PIP5K1A: variants seen among roughly 807,000 people sequenced by gnomAD.
PIP5K1A encodes phosphatidylinositol-4-phosphate 5-kinase type 1 alpha.
Under a neutral mutation model 72.9 loss-of-function variants are expected in PIP5K1A, and 46 were observed. The observed-to-expected ratio is 0.63, with a 90% confidence interval of 0.50 to 0.81. The LOEUF (loss-of-function observed/expected upper bound fraction) is 0.81, where lower values mean the gene tolerates loss of function less well. PIP5K1A is among the 30% of genes least tolerant of loss of function. The pLI is 0.00. For missense variants in PIP5K1A, 458 were observed against 706.1 expected (o/e 0.65, Z 3.98); for synonymous variants, 228 against 255.1 (o/e 0.89, Z 1.01).
chr1:151,217,363 A>G (rs1007209830), intron 1 of PIP5K1A, among the ~76,000 whole-genome samples: 2 of 152,028 alleles, frequency 1.3e-5, no homozygotes, highest in Admixed American at 6.6e-5. Context: ...CCCCTCACTA[A>G]TTTGAAATTC....
chr1:151,207,498 G>T (rs1686098035), intron 1 of PIP5K1A, among the ~76,000 whole-genome samples: 1 of 151,590 alleles, frequency 6.6e-6, no homozygotes, highest in Non-Finnish European at 1.5e-5. Flanking sequence ...CTGAGGTAAA[G>T]ATGTTGCATA....
chr1:151,207,815 G>A (rs1159429659), intron 1 of PIP5K1A, among the ~76,000 whole-genome samples: 1 of 151,020 alleles, frequency 6.6e-6, no homozygotes, highest in Non-Finnish European at 1.5e-5. Flanking sequence ...TTACGGGCAT[G>A]AGGCACCACA....
At chr1:151,243,342 A>C (rs1443464775) in intron 14 of PIP5K1A, among the ~76,000 whole-genome samples, 1 of 152,208 alleles carries the variant, frequency 6.6e-6, no homozygotes, top group Non-Finnish European at 1.5e-5. Flanking sequence ...ATAGTTCCTT[A>C]AGCACAGCTC....
rs1469957380 is a variant in PIP5K1A at position 151,198,652 on chromosome 1, T to C, written c.-345T>C. ...AGGGGCGTTCGCTCCTTTGGGACTTTTCATGCCTCGTTTTTTTTTCAGATG... is the reference window on the plus strand; with the variant it reads ...AGGGGCGTTCGCTCCTTTGGGACTTCTCATGCCTCGTTTTTTTTTCAGATG... On this transcript the variant is annotated 5_prime_UTR_variant, in exon 1 of 16. Coordinates refer to ENST00000368888, the MANE Select transcript of PIP5K1A (RefSeq NM_001135638.2). 6.5e-6 allele frequency: 2 copies of C among 305,782 alleles called. No individual in the cohort carries two copies. Among genetic ancestry groups the C allele is most frequent in the Non-Finnish European group, 1.2e-5 (2 of 161,166 alleles). 18.9% of individuals were successfully genotyped at this position (305,782 alleles called of 1,614,324 possible). A position where few individuals can be genotyped will look rare whatever the true frequency, so the allele number is the denominator to read the frequency against.
chr1:151,249,497 G>T lies in PIP5K1A; in HGVS notation c.*1632G>T, dbSNP rs587676086. The T allele has an allele frequency of 2.0e-5, 3 of 152,098 alleles. No individual in the cohort carries two copies. The East Asian group carries it at 5.8e-4, about 29-fold the overall frequency. The allele number at this position is 152,098 out of a possible 1,614,324, so 9.4% of individuals were successfully genotyped here. A position where few individuals can be genotyped will look rare whatever the true frequency, so the allele number is the denominator to read the frequency against. ...AAATACAATATAAAAGTGATATATG[G>T]TTTTAATGTAATAAACTTTAATGAG... On this transcript the variant is annotated 3_prime_UTR_variant, in exon 16 of 16. Transcript: ENST00000368888.
At chr1:151,195,666 G>A (rs1408611001), upstream of PIP5K1A, among the ~76,000 whole-genome samples, 2 of 151,654 alleles carry the variant, frequency 1.3e-5, no homozygotes, top group African/African-American at 4.8e-5. Context: ...CAGGAGAATC[G>A]CTTGAACCCG....
In PIP5K1A at chr1:151,239,976, C is replaced by T. The variant is rs1310548825; in HGVS notation, c.1300C>T (p.Pro434Ser). 1 of 1,612,966 alleles carries T rather than the reference C, an allele frequency of 6.2e-7. No individual in the cohort carries two copies. Among genetic ancestry groups the T allele is most frequent in the Admixed American group, 1.7e-5 (1 of 59,890 alleles). ...GCAGGACACTGTCTCAGTGCATCGC[C>T]CAGGCTTCTACGCTGAACGGTTCCA... ...HDGDTVSVHR[P>S]GFYAERFQRF... The change falls in exon 12 of 16, where the codon CCA becomes TCA. Residue 434 changes from proline to serine, a missense_variant. Physicochemically the swap from Pro to Ser is moderately conservative, Grantham distance 74. Transcript: ENST00000368888.
chr1:151,209,313 G>T (rs181773403), intron 1 of PIP5K1A, among the ~76,000 whole-genome samples: 67 of 152,016 alleles, frequency 4.4e-4, no homozygotes, highest in African/African-American at 1.5e-3. Context: ...TTGCTCTGTC[G>T]CCCAGGCTGG....
chr1:151,245,354 C>CT (rs924052101), intron 14 of PIP5K1A, among the ~76,000 whole-genome samples: 1 of 152,156 alleles, frequency 6.6e-6, no homozygotes, highest in Non-Finnish European at 1.5e-5. Flanking sequence ...ATTTTTCTCA[C>CT]TTTAAGCCCT....
intron 1 of PIP5K1A, among the ~76,000 whole-genome samples, chr1:151,219,851 CT>C (rs71237867): frequency 1.3e-3 from 127 of 98,702 alleles, no homozygotes; most frequent in African/African-American, 4.7e-3. Context: ...ATATTCTTTC[CT>C]TTTTTTTTTT....
intron 12 of PIP5K1A, among the ~76,000 whole-genome samples, chr1:151,240,959 G>C (rs148412039): frequency 8.3e-4 from 126 of 152,188 alleles, no homozygotes; most frequent in African/African-American, 2.9e-3. Context: ...GAGGTCAGGA[G>C]TTCGAGACCA....
intron 1 of PIP5K1A, among the ~76,000 whole-genome samples, chr1:151,221,328 A>T (rs6669511): frequency 0.018 from 2,800 of 152,300 alleles, 78 homozygotes; most frequent in African/African-American, 0.064. Context: ...AGCAGGAATA[A>T]TTTGGCATTA....
intron 1 of PIP5K1A, among the ~76,000 whole-genome samples, chr1:151,201,015 T>C (rs1685148172): frequency 6.6e-6 from 1 of 152,078 alleles, no homozygotes; most frequent in African/African-American, 2.4e-5. Flanking sequence ...TTTGTATTTT[T>C]AGTAGAGACG....
At chr1:151,238,131 G>T in intron 9 of PIP5K1A, 51 bp from the exon 10 acceptor site, 3 of 1,201,518 alleles carry the variant, frequency 2.5e-6, no homozygotes, top group Non-Finnish European at 1.2e-6. Context: ...ATCCTGATCT[G>T]ACTAAACTAG....
In PIP5K1A at chr1:151,236,705, G is replaced by A; in HGVS notation, c.1087G>A (p.Ala363Thr). ...PAPQKALYST[A>T]MESIQGEARR... is the part of the protein sequence containing the mutation. ...CCCCCAAAAGGCTCTGTATTCCACAGCCATGGAATCCATCCAGGGAGAGGC... is the reference window on the plus strand; with the variant it reads ...CCCCCAAAAGGCTCTGTATTCCACAACCATGGAATCCATCCAGGGAGAGGC... The change falls in exon 9 of 16, where the codon GCC (alanine) becomes ACC (threonine). Residue 363 changes from alanine to threonine, a missense_variant. Ala to Thr is a moderately conservative substitution (Grantham distance 58, BLOSUM62 0). This residue lies in a region of PIP5K1A where 220 missense variants were observed against 442.6 expected (regional missense o/e 0.50). Transcript: ENST00000368888. The A allele has an allele frequency of 1.2e-6, 2 of 1,613,702 alleles. No homozygotes were observed. The highest frequency in any genetic ancestry group is 1.1e-5 in the South Asian group (1 of 91,058).
Position 151,248,981 on chromosome 1 carries a change from T to C in PIP5K1A, c.*1116T>C, listed in dbSNP as rs2101812309. The C allele has an allele frequency of 6.6e-6, 1 of 152,464 alleles. No homozygotes were observed. Among genetic ancestry groups the C allele is most frequent in the African/African-American group, 2.4e-5 (1 of 41,566 alleles). The allele number at this position is 152,464 out of a possible 1,614,324, so 9.4% of individuals were successfully genotyped here. On this transcript the variant is annotated 3_prime_UTR_variant, in exon 16 of 16. Coordinates refer to ENST00000368888, the MANE Select transcript of PIP5K1A (RefSeq NM_001135638.2). ...CAGATTCTTGCCTTGGTGAGGTCAT[T>C]GCTGTGCCATATGTCCTACCCCCCT... is the stretch of plus-strand genomic sequence containing the variant.
intron 1 of PIP5K1A, chr1:151,215,972 T>C (rs766475440): frequency 7.7e-7 from 1 of 1,303,638 alleles, no homozygotes; most frequent in South Asian, 1.2e-5. Flanking sequence ...GTTTCAACTT[T>C]CTGTGCTGTG....
At chr1:151,223,314 C>T (rs1688653080) in intron 1 of PIP5K1A, among the ~76,000 whole-genome samples, 1 of 145,346 alleles carries the variant, frequency 6.9e-6, no homozygotes. Context: ...GGCGCTGTTG[C>T]ACTCCAGCCT....
At chr1:151,247,252 T>C (rs1692639501) in intron 15 of PIP5K1A, among the ~76,000 whole-genome samples, 1 of 151,822 alleles carries the variant, frequency 6.6e-6, no homozygotes. Flanking sequence ...TCTCAGCCTC[T>C]GGAGTAGCTG....
Sources: gnomAD v4.1 joint callset for allele counts (sites outside exome capture counted in the v4.1 genomes callset) on GRCh38, gnomAD v4.1.1 for gene constraint, gnomAD v4.1.1 regional missense constraint, MANE v1.5 for transcripts, NCBI Gene and HGNC (gene_info 2026-07-23, HGNC 2026-07-21) for gene names.